The following CHRM3 variants were observed in gnomAD, a reference collection of about 807,000 sequenced individuals.
CHRM3 encodes cholinergic receptor muscarinic 3.
CHRM3 carries 11 observed loss-of-function variants against 41.8 expected under a neutral mutation model. The ratio of observed to expected loss-of-function variants is 0.26; its 90% CI spans 0.17 to 0.44. CHRM3 has a LOEUF of 0.44. Ranked by LOEUF, CHRM3 falls within the 20% of genes least tolerant of loss-of-function variation. The pLI, the probability that CHRM3 is intolerant of heterozygous loss-of-function variation, is 1.00. For synonymous variants in CHRM3, 297 were observed against 301.4 expected (o/e 0.99, Z 0.15); for missense variants, 571 against 745.4 (o/e 0.77, Z 2.72).
chr1:239,409,205 G>A (rs935096547), intron 1 of CHRM3, among the ~76,000 whole-genome samples: 1 of 152,180 alleles, frequency 6.6e-6, no homozygotes, highest in African/African-American at 2.4e-5. Flanking sequence ...CTTGGAGCTT[G>A]GGGCTTGCTG....
chr1:239,631,255 C>A (rs1385018110), intron 3 of CHRM3, among the ~76,000 whole-genome samples: 1 of 152,188 alleles, frequency 6.6e-6, no homozygotes, highest in Non-Finnish European at 1.5e-5. Flanking sequence ...AGTTTGCTCT[C>A]CTTCTCTGTG....
intron 6 of CHRM3, among the ~76,000 whole-genome samples, chr1:239,874,774 C>T (rs973622812): frequency 5.3e-5 from 8 of 151,858 alleles, no homozygotes; most frequent in Admixed American, 3.9e-4. Context: ...TCTCGGCTCG[C>T]TGCAACCTCC....
intron 6 of CHRM3, among the ~76,000 whole-genome samples, chr1:239,859,572 G>A (rs1378793423): frequency 6.6e-6 from 1 of 151,026 alleles, no homozygotes; most frequent in African/African-American, 2.4e-5. Flanking sequence ...GCACTACGAT[G>A]CTCAGCTAAT....
chr1:239,793,748 A>G, intron 5 of CHRM3, among the ~76,000 whole-genome samples: 1 of 149,198 alleles, frequency 6.7e-6, no homozygotes, highest in East Asian at 2.0e-4. Context: ...TGACTTTATC[A>G]CAACTTATTC....
At chr1:239,518,061 A>C in intron 2 of CHRM3, among the ~76,000 whole-genome samples, 1 of 152,142 alleles carries the variant, frequency 6.6e-6, no homozygotes, top group South Asian at 2.1e-4. Flanking sequence ...AGCCAAAATC[A>C]CTCCACTTCA....
chr1:239,468,615 AG>A (rs2147925370), intron 1 of CHRM3, among the ~76,000 whole-genome samples: 1 of 152,304 alleles, frequency 6.6e-6, no homozygotes, highest in East Asian at 1.9e-4. Flanking sequence ...AAGTATTTAG[AG>A]CAATACCATT....
At chr1:239,488,858 A>G (rs568439721) in intron 1 of CHRM3, among the ~76,000 whole-genome samples, 4 of 151,808 alleles carry the variant, frequency 2.6e-5, no homozygotes, top group African/African-American at 9.7e-5. Flanking sequence ...TTTCCCCTGT[A>G]TAAATTGTTA....
intron 6 of CHRM3, among the ~76,000 whole-genome samples, chr1:239,856,351 G>A (rs11591177): frequency 6.6e-6 from 1 of 152,074 alleles, no homozygotes; most frequent in Admixed American, 6.6e-5. Context: ...TAATGGTTTA[G>A]CGCCGTCCCC....
chr1:239,549,827 A>G (rs1034975565), intron 3 of CHRM3, among the ~76,000 whole-genome samples: 53 of 152,158 alleles, frequency 3.5e-4, no homozygotes, highest in Middle Eastern at 3.4e-3. Context: ...TCAGACCTGA[A>G]GTCTAATGTA....
At chr1:239,544,167 A>G (rs1659062002) in intron 2 of CHRM3, among the ~76,000 whole-genome samples, 1 of 152,138 alleles carries the variant, frequency 6.6e-6, no homozygotes, top group African/African-American at 2.4e-5. Context: ...TGACCACTAG[A>G]GTCTCCAAGC....
intron 1 of CHRM3, among the ~76,000 whole-genome samples, chr1:239,487,393 T>C (rs1308385015): frequency 1.3e-5 from 2 of 152,138 alleles, no homozygotes; most frequent in Non-Finnish European, 2.9e-5. Context: ...CTTAAAAAAA[T>C]TGTTGTTCAG....
intron 5 of CHRM3, among the ~76,000 whole-genome samples, chr1:239,813,625 A>G (rs1572377356): frequency 1.3e-5 from 2 of 152,082 alleles, no homozygotes; most frequent in African/African-American, 4.8e-5. Context: ...GAAACCATCA[A>G]ACTCACAGTT....
intron 6 of CHRM3, among the ~76,000 whole-genome samples, chr1:239,872,411 T>G (rs989236900): frequency 6.6e-6 from 1 of 152,148 alleles, no homozygotes; most frequent in African/African-American, 2.4e-5. Flanking sequence ...GGACCTGGTC[T>G]AGACCAGAAA....
At chr1:239,786,236 C>G (rs749066785) in intron 5 of CHRM3, among the ~76,000 whole-genome samples, 1 of 152,050 alleles carries the variant, frequency 6.6e-6, no homozygotes, top group African/African-American at 2.4e-5. Flanking sequence ...AAACAGCACT[C>G]CCCCTCTCAG....
At chr1:239,866,134 T>C (rs1676073612) in intron 6 of CHRM3, among the ~76,000 whole-genome samples, 1 of 152,070 alleles carries the variant, frequency 6.6e-6, no homozygotes, top group East Asian at 1.9e-4. Context: ...TCTCAGCACT[T>C]TGGGAGGCCG....
chr1:239,716,657 A>G (rs1191110088), intron 5 of CHRM3, among the ~76,000 whole-genome samples: 1 of 152,020 alleles, frequency 6.6e-6, no homozygotes, highest in Non-Finnish European at 1.5e-5. Context: ...ATTTGGTAAT[A>G]AGGAAAGCTA....
chr1:239,393,425 G>C (rs746645562), intron 1 of CHRM3, among the ~76,000 whole-genome samples: 3 of 152,124 alleles, frequency 2.0e-5, no homozygotes, highest in African/African-American at 7.2e-5. Context: ...TGAAATAGAC[G>C]TGATGATCCT....
chr1:239,770,392 C>G (rs183465294), intron 5 of CHRM3, among the ~76,000 whole-genome samples: 1 of 152,026 alleles, frequency 6.6e-6, no homozygotes, highest in Non-Finnish European at 1.5e-5. Context: ...AAAAAATGGT[C>G]AAGTGAAAGA....
At chr1:239,703,824 A>G (rs1466784077) in intron 5 of CHRM3, 2 of 152,310 alleles carry the variant, frequency 1.3e-5, no homozygotes, top group East Asian at 3.9e-4. Context: ...GGAATAAAAT[A>G]TAATGGAGGA....
Sources: allele counts gnomAD v4.1 joint callset (sites outside exome capture counted in the v4.1 genomes callset), GRCh38; gene constraint gnomAD v4.1.1; transcripts MANE v1.5; gene names NCBI Gene and HGNC (gene_info 2026-07-23, HGNC 2026-07-21).